The following MYO1C variants were observed in gnomAD, a reference collection of about 807,000 sequenced individuals.
MYO1C encodes the protein unconventional myosin-Ic.
A neutral mutation model predicts 150.8 loss-of-function variants in MYO1C; 104 were observed. The ratio of observed to expected loss-of-function variants is 0.69; its 90% CI spans 0.59 to 0.81. The LOEUF (loss-of-function observed/expected upper bound fraction) is 0.81, where lower values mean the gene tolerates loss of function less well. Ranked by LOEUF, MYO1C falls within the 30% of genes least tolerant of loss-of-function variation. MYO1C has a pLI of 0.00. For missense variants in MYO1C, 1,504 were observed against 1,435.0 expected, an observed-to-expected ratio of 1.05 and a Z score of -0.78; for synonymous variants, 663 against 579.9, an observed-to-expected ratio of 1.14 and a Z score of -2.06.
Position 1,471,959 on chromosome 17 carries a change from C to A in MYO1C, c.1969G>T (p.Val657Leu). 1.2e-6 allele frequency: 2 copies of A among 1,614,126 alleles called. No homozygotes were observed. Among genetic ancestry groups the A allele is most frequent in the Non-Finnish European group, 1.7e-6 (2 of 1,180,022 alleles). Residue 657 changes from valine (V) to leucine (L), a missense_variant, in exon 19 of 32, where the codon GTG becomes TTG. Transcript: ENST00000648651. Reference protein sequence around the residue: ...KYLGLLENLRVRRAGFAYRRK... With the variant: ...KYLGLLENLRLRRAGFAYRRK... ...CGATAGGCAAAGCCGGCTCTGCGCA[C>A]GCGCAGGTTTTCCAACAGCCCCAGG...
chr17:1,472,081 A>T (rs201499693), intron 18 of MYO1C, 42 bp downstream of exon 18: 52 of 1,613,094 alleles, frequency 3.2e-5, no homozygotes, highest in Non-Finnish European at 4.4e-5. Flanking sequence ...TGTCTCCTGC[A>T]GGGGAGGCCC....
intron 20 of MYO1C, 30 bp downstream of exon 20, chr17:1,471,193 C>T: frequency 6.2e-7 from 1 of 1,613,882 alleles, no homozygotes; most frequent in South Asian, 1.1e-5. Flanking sequence ...CTCCCATTCC[C>T]CGCAGGCACC....
chr17:1,476,704 T>A (rs1330228459), intron 14 of MYO1C, among the ~76,000 whole-genome samples: 1 of 152,190 alleles, frequency 6.6e-6, no homozygotes, highest in East Asian at 1.9e-4. Flanking sequence ...GAGGCGCTTG[T>A]TCCTGTTTCT....
chr17:1,472,073 T>TAGGCCC, intron 18 of MYO1C, 49 bp from the exon 19 acceptor site: 1 of 1,612,710 alleles, frequency 6.2e-7, no homozygotes, highest in East Asian at 2.2e-5. Context: ...TGACGGCCTG[T>TAGGCCC]CTCCTGCAGG....
At position 1,477,604 on chromosome 17, in the gene MYO1C, G is replaced by A. The variant is rs763180153; in HGVS notation, c.1483-8C>T. 6.8e-6 allele frequency: 11 copies of A among 1,610,792 alleles called. No individual in the cohort carries two copies. In the East Asian group the frequency reaches 1.3e-4, roughly 20 times the overall value. On this transcript the variant is annotated splice_polypyrimidine_tract_variant and splice_region_variant and intron_variant, in intron 13 of 31. Coordinates refer to ENST00000648651, the MANE Select transcript of MYO1C (RefSeq NM_001080779.2). ...GCGCAGACACTCCTCATCCTGGGGGGTGTGGCACAGGGGGAAGGACGTATG... is the reference window on the plus strand; with the variant it reads ...GCGCAGACACTCCTCATCCTGGGGGATGTGGCACAGGGGGAAGGACGTATG...
In MYO1C at chr17:1,465,548, G is replaced by T. The variant is rs2074152361; in HGVS notation, c.*178C>A. Reference sequence around the variant, plus strand: ...TGGCCCGGCCTGGCCCACTCCTGGGGTAGCTCCTGGCCCCTGCTGCTCCCT... The same window carrying T: ...TGGCCCGGCCTGGCCCACTCCTGGGTTAGCTCCTGGCCCCTGCTGCTCCCT... On this transcript the variant is annotated 3_prime_UTR_variant, in exon 32 of 32. Coordinates refer to ENST00000648651, the MANE Select transcript of MYO1C (RefSeq NM_001080779.2). 3 of 640,266 alleles carry T rather than the reference G, an allele frequency of 4.7e-6. No individual in the cohort carries two copies. The highest frequency in any genetic ancestry group is 2.8e-4 in the Middle Eastern group (1 of 3,510). 39.7% of individuals were successfully genotyped at this position (640,266 alleles called of 1,614,324 possible). A position where few individuals can be genotyped will look rare whatever the true frequency, so the allele number is the denominator to read the frequency against.
At chr17:1,471,398 C>G in intron 19 of MYO1C, 62 bp from the exon 20 acceptor site, 1 of 1,450,970 alleles carries the variant, frequency 6.9e-7, no homozygotes, top group Non-Finnish European at 9.6e-7. Context: ...GGACCCCAAT[C>G]AGCTTTCTCT....
In MYO1C at chr17:1,483,618, G is replaced by A. The variant is rs147082651; in HGVS notation, c.339C>T (p.Pro113=). The A allele has an allele frequency of 2.2e-5, 35 of 1,608,826 alleles. No homozygotes were observed. The African/African-American group carries it at 3.1e-4, about 14-fold the overall frequency. ...RYRGVSFYEV[P]PHLFAVADTV... is the part of the protein sequence containing the mutation. The stretch of plus-strand genomic sequence containing the variant: ...GGGCTGGGGTCACTCACAGGTGAGG[G>A]GGCACTTCATAGAAGCTGACGCCAC... The change falls in exon 3 of 32, where the codon CCC becomes CCT. Residue 113 remains proline (P), a synonymous_variant. Coordinates refer to ENST00000648651, the MANE Select transcript of MYO1C (RefSeq NM_001080779.2).
At position 1,479,320 on chromosome 17, in the gene MYO1C, C is replaced by T; in HGVS notation, c.1092+111G>A. On this transcript the variant is annotated intron_variant, in intron 9 of 31. Coordinates refer to ENST00000648651, the MANE Select transcript of MYO1C (RefSeq NM_001080779.2). This position sits in a 1 kb window ranked among gnomAD's most constrained non-coding sequence, Gnocchi z 4.2. ...CACTCTGCTTCTCTGAGCAGCCTTC[C>T]TTCCATCCCTCCAGCATTGCTGAGG... 1.3e-6 allele frequency: 1 copy of T among 740,774 alleles called. No individual in the cohort carries two copies. Among genetic ancestry groups the T allele is most frequent in the Non-Finnish European group, 2.4e-6 (1 of 425,434 alleles). 45.9% of individuals were successfully genotyped at this position (740,774 alleles called of 1,614,324 possible).
chr17:1,466,736 C>T (rs889679634), intron 31 of MYO1C, among the ~76,000 whole-genome samples: 6 of 151,998 alleles, frequency 3.9e-5, no homozygotes, highest in African/African-American at 1.5e-4. Context: ...AGCAATTCTC[C>T]CGCCTCAGCC....
chr17:1,492,649 T>C lies in MYO1C; in HGVS notation c.-162A>G. 1.4e-6 allele frequency: 1 copy of C among 696,968 alleles called. No homozygotes were observed. The highest frequency in any genetic ancestry group is 2.5e-6 in the Non-Finnish European group (1 of 395,312). The allele number at this position is 696,968 out of a possible 1,614,324, so 43.2% of individuals were successfully genotyped here. A position where few individuals can be genotyped will look rare whatever the true frequency, so the allele number is the denominator to read the frequency against. On this transcript the variant is annotated 5_prime_UTR_variant, in exon 1 of 32. Transcript: ENST00000648651. Reference sequence around the variant, plus strand: ...CTGCAGCCCCAGGGGATGTGGCTGGTCCAGCTCCTCAGGACACGGCTGGAG... The same window carrying C: ...CTGCAGCCCCAGGGGATGTGGCTGGCCCAGCTCCTCAGGACACGGCTGGAG...
intron 3 of MYO1C, 79 bp from the exon 4 acceptor site, chr17:1,483,138 T>C: frequency 7.1e-7 from 1 of 1,403,222 alleles, no homozygotes; most frequent in South Asian, 1.3e-5. Context: ...CACATCTGGG[T>C]GGAGTCCTCT....
At chr17:1,481,105 C>A (rs1029259510) in intron 5 of MYO1C, 1 of 582,136 alleles carries the variant, frequency 1.7e-6, no homozygotes, top group Non-Finnish European at 3.1e-6. Context: ...GCTGCTCCAC[C>A]TGGATGCCTG....
chr17:1,481,136 A>G, intron 5 of MYO1C: 2 of 541,130 alleles, frequency 3.7e-6, no homozygotes, highest in Non-Finnish European at 6.7e-6. Flanking sequence ...CAAATTCAAC[A>G]GGCCTGAAGC....
chr17:1,468,973 C>T lies in MYO1C; in HGVS notation c.2611-477G>A, dbSNP rs73976224. On this transcript the variant is annotated intron_variant, in intron 25 of 31. Transcript: ENST00000648651. ...TTTTCAACACAGGGTTCTGAGCAGT[C>T]TCTACCAATCAAGGGCAGTTGGCCC... 1,642 of 289,584 alleles carry T rather than the reference C, an allele frequency of 5.7e-3. 25 individuals are homozygous for T. Among genetic ancestry groups the T allele is most frequent in the African/African-American group, 0.033 (1,536 of 45,920 alleles). 17.9% of individuals were successfully genotyped at this position (289,584 alleles called of 1,614,324 possible). A position where few individuals can be genotyped will look rare whatever the true frequency, so the allele number is the denominator to read the frequency against.
chr17:1,489,454 C>T (rs1449211378), intron 1 of MYO1C, among the ~76,000 whole-genome samples: 4 of 152,176 alleles, frequency 2.6e-5, no homozygotes, highest in Non-Finnish European at 2.9e-5. Flanking sequence ...GTGGGAGGAT[C>T]GCTTGAGGCC....
intron 14 of MYO1C, among the ~76,000 whole-genome samples, chr17:1,475,597 G>A (rs1010293882): frequency 1.3e-5 from 2 of 152,240 alleles, no homozygotes; most frequent in African/African-American, 2.4e-5. Context: ...CGGCCGCTGC[G>A]GGCTCTGCTC....
At chr17:1,491,458 C>A (rs1463542706) in intron 1 of MYO1C, 1 of 200,136 alleles carries the variant, frequency 5.0e-6, no homozygotes, top group Non-Finnish European at 8.4e-6. Context: ...CCCCCCCCCC[C>A]CGCACGGGTC....
intron 1 of MYO1C, chr17:1,491,651 T>A: frequency 1.0e-6 from 1 of 980,454 alleles, no homozygotes; most frequent in Non-Finnish European, 1.2e-6. Context: ...CGTGGCGGGC[T>A]TGGGGATCCG....
Sources: gnomAD v4.1 joint callset for allele counts (sites outside exome capture counted in the v4.1 genomes callset) on GRCh38, gnomAD v4.1.1 for gene constraint, Gnocchi (gnomAD v3.1) non-coding constraint, MANE v1.5 for transcripts, NCBI Gene and HGNC (gene_info 2026-07-23, HGNC 2026-07-21) for gene names.